The following ZNF385B variants were observed in gnomAD, a reference collection of about 807,000 sequenced individuals.
ZNF385B encodes zinc finger protein 533.
In ZNF385B, 23 loss-of-function variants were observed where a neutral mutation model predicts 39.2. The ratio of observed to expected loss-of-function variants is 0.59; its 90% confidence interval spans 0.42 to 0.83. ZNF385B has a LOEUF of 0.83. ZNF385B is among the 40% of genes least tolerant of loss of function. ZNF385B has a pLI of 0.00. For synonymous variants in ZNF385B, 205 were observed against 222.6 expected (o/e 0.92, Z 0.70); for missense variants, 552 against 598.9 (o/e 0.92, Z 0.82).
intron 3 of ZNF385B, among the ~76,000 whole-genome samples, chr2:179,699,963 A>G (rs1192101457): frequency 1.3e-5 from 2 of 152,066 alleles, no homozygotes; most frequent in Non-Finnish European, 2.9e-5. Context: ...TCAAACTGTA[A>G]CTCACTCCAT....
intron 5 of ZNF385B, among the ~76,000 whole-genome samples, chr2:179,517,130 G>C (rs576643887): frequency 2.6e-5 from 4 of 151,924 alleles, no homozygotes; most frequent in Non-Finnish European, 5.9e-5. Context: ...CAGTTTCACA[G>C]TCTTGATTAT....
intron 3 of ZNF385B, among the ~76,000 whole-genome samples, chr2:179,593,834 G>T (rs561417421): frequency 6.6e-6 from 1 of 152,298 alleles, no homozygotes; most frequent in South Asian, 2.1e-4. Flanking sequence ...AATAGTCATA[G>T]GCCAGGAAGG....
At position 179,784,644 on chromosome 2, in the gene ZNF385B, C is replaced by T. The variant is rs540886104; in HGVS notation, c.-154-13972G>A. On this transcript the variant is annotated intron_variant, in intron 1 of 9. Coordinates refer to ENST00000410066, the MANE Select transcript of ZNF385B (RefSeq NM_152520.6). ...AACCCAACAGAAAAATGAACAAAAA[C>T]TGTGAATTCAGAAAAGACATCCCAA... Among the ~76,000 whole-genome samples, 521 of 152,072 alleles carry T rather than the reference C, an allele frequency of 3.4e-3. 7 individuals are homozygous for T. The highest frequency in any genetic ancestry group is 0.012 in the African/African-American group (504 of 41,510).
At chr2:179,465,395 C>T (rs1264152794) in intron 6 of ZNF385B, among the ~76,000 whole-genome samples, 1 of 152,138 alleles carries the variant, frequency 6.6e-6, no homozygotes, top group Non-Finnish European at 1.5e-5. Context: ...AAGATCAAGA[C>T]CCTTTTCCAC....
intron 3 of ZNF385B, among the ~76,000 whole-genome samples, chr2:179,725,130 C>G (rs2106413354): frequency 6.6e-6 from 1 of 152,082 alleles, no homozygotes; most frequent in African/African-American, 2.4e-5. Context: ...TTAATTTCAC[C>G]TATCAGATCA....
intron 6 of ZNF385B, among the ~76,000 whole-genome samples, chr2:179,469,739 C>T (rs962575721): frequency 5.9e-5 from 9 of 152,118 alleles, no homozygotes; most frequent in South Asian, 2.1e-4. Flanking sequence ...GGGTTTGAGG[C>T]CCAACTTAGG....
intron 5 of ZNF385B, among the ~76,000 whole-genome samples, chr2:179,497,310 A>G (rs1197320884): frequency 6.6e-6 from 1 of 152,224 alleles, no homozygotes; most frequent in Non-Finnish European, 1.5e-5. Flanking sequence ...TAGAAAGACT[A>G]AGCAATGAAT....
intron 6 of ZNF385B, among the ~76,000 whole-genome samples, chr2:179,466,345 C>T (rs764256051): frequency 7.2e-5 from 11 of 151,824 alleles, no homozygotes; most frequent in Admixed American, 2.0e-4. Flanking sequence ...CCTCTGATAA[C>T]GATATAGCTA....
intron 3 of ZNF385B, among the ~76,000 whole-genome samples, chr2:179,713,490 T>G (rs1482485021): frequency 1.3e-5 from 2 of 152,174 alleles, no homozygotes; most frequent in Admixed American, 1.3e-4. Flanking sequence ...CTATAACTAT[T>G]CCCTCTCCCT....
intron 3 of ZNF385B, among the ~76,000 whole-genome samples, chr2:179,679,945 T>C (rs933671905): frequency 1.3e-5 from 2 of 152,206 alleles, no homozygotes; most frequent in African/African-American, 2.4e-5. Context: ...GACTGTACGT[T>C]AGTTTTGACC....
At chr2:179,745,825 C>A in intron 3 of ZNF385B, 1 of 1,406,738 alleles carries the variant, frequency 7.1e-7, no homozygotes, top group South Asian at 1.7e-5. Context: ...ACAGCGCTAC[C>A]GAGACTTGGC....
chr2:179,658,016 C>A (rs962792179), intron 3 of ZNF385B, among the ~76,000 whole-genome samples: 1 of 152,130 alleles, frequency 6.6e-6, no homozygotes, highest in Admixed American at 6.5e-5. Context: ...AGGGAGGAAA[C>A]CTTGGGCAAA....
intron 1 of ZNF385B, among the ~76,000 whole-genome samples, chr2:179,790,945 T>C (rs1705288886): frequency 6.6e-6 from 1 of 152,218 alleles, no homozygotes; most frequent in East Asian, 1.9e-4. Flanking sequence ...CTGCATTTTA[T>C]TGCCTTGGGA....
At chr2:179,771,308 T>C (rs953111952) in intron 1 of ZNF385B, among the ~76,000 whole-genome samples, 1 of 152,196 alleles carries the variant, frequency 6.6e-6, no homozygotes, top group African/African-American at 2.4e-5. Context: ...GGAAAAGGTA[T>C]GACCATAAAA....
chr2:179,713,101 G>C (rs1036512719), intron 3 of ZNF385B, among the ~76,000 whole-genome samples: 1 of 152,232 alleles, frequency 6.6e-6, no homozygotes, highest in South Asian at 2.1e-4. Flanking sequence ...AGTGTTCTGC[G>C]CATATTTAAG....
intron 5 of ZNF385B, among the ~76,000 whole-genome samples, chr2:179,500,396 GATAT>G (rs1340964788): frequency 5.3e-5 from 8 of 152,014 alleles, no homozygotes; most frequent in Non-Finnish European, 8.8e-5. Context: ...CATACAAGCA[GATAT>G]ATAGACTAAT....
chr2:179,827,112 A>G (rs544447667), intron 1 of ZNF385B, among the ~76,000 whole-genome samples: 1 of 152,232 alleles, frequency 6.6e-6, no homozygotes, highest in Admixed American at 6.5e-5. Flanking sequence ...CAAGTACCAG[A>G]TACTTTATTA....
At chr2:179,791,633 T>A (rs777367065) in intron 1 of ZNF385B, among the ~76,000 whole-genome samples, 2 of 152,238 alleles carry the variant, frequency 1.3e-5, no homozygotes, top group Admixed American at 6.5e-5. Flanking sequence ...AATATTTTAA[T>A]GCAGTATTTT....
intron 3 of ZNF385B, among the ~76,000 whole-genome samples, chr2:179,755,088 T>C (rs1399405066): frequency 6.6e-6 from 1 of 152,230 alleles, no homozygotes; most frequent in African/African-American, 2.4e-5. Context: ...AATTTCCCTC[T>C]ACACACTGCT....
Sources: allele counts gnomAD v4.1 joint callset (sites outside exome capture counted in the v4.1 genomes callset), GRCh38; gene constraint gnomAD v4.1.1; transcripts MANE v1.5; gene names NCBI Gene and HGNC (gene_info 2026-07-23, HGNC 2026-07-21).